Variants in ZCCHC24 observed in about 807,000 individuals in gnomAD.
ZCCHC24 encodes zinc finger CCHC domain-containing protein 24.
ZCCHC24 carries 10 observed loss-of-function variants against 26.2 expected under a neutral mutation model. The observed-to-expected ratio is 0.38, with a 90% confidence interval of 0.24 to 0.65. The LOEUF (loss-of-function observed/expected upper bound fraction) is 0.65, where lower values mean the gene tolerates loss of function less well. ZCCHC24 is among the 30% of genes least tolerant of loss of function. The pLI is 0.54. For missense variants in ZCCHC24, 243 were observed against 329.1 expected, an observed-to-expected ratio of 0.74 and a Z score of 2.03; for synonymous variants, 144 against 147.1, an observed-to-expected ratio of 0.98 and a Z score of 0.15.
chr10:79,387,337 T>A (rs1348905083), intron 3 of ZCCHC24, among the ~76,000 whole-genome samples: 1 of 151,818 alleles, frequency 6.6e-6, no homozygotes, highest in East Asian at 1.9e-4. Flanking sequence ...CGTCTGGGAG[T>A]GTGTGAACTG....
intron 1 of ZCCHC24, among the ~76,000 whole-genome samples, chr10:79,440,677 A>G (rs1857281762): frequency 6.6e-6 from 1 of 152,062 alleles, no homozygotes; most frequent in African/African-American, 2.4e-5. Flanking sequence ...AAAAAATGGA[A>G]GCTATGAGGA....
intron 2 of ZCCHC24, among the ~76,000 whole-genome samples, chr10:79,424,076 C>T (rs1340815479): frequency 6.6e-6 from 1 of 151,786 alleles, no homozygotes; most frequent in Non-Finnish European, 1.5e-5. Flanking sequence ...TATCATGGGC[C>T]TAAGCATGCA....
intron 2 of ZCCHC24, among the ~76,000 whole-genome samples, chr10:79,412,408 C>T (rs1589668032): frequency 2.0e-5 from 3 of 152,358 alleles, no homozygotes; most frequent in Non-Finnish European, 1.5e-5. Context: ...TGTACACCCT[C>T]GCCCCTTGGC....
chr10:79,407,294 A>G (rs1259603428), intron 2 of ZCCHC24, among the ~76,000 whole-genome samples: 2 of 152,204 alleles, frequency 1.3e-5, no homozygotes, highest in African/African-American at 4.8e-5. Context: ...ACTGTTGCAC[A>G]GTAACCATGC....
At chr10:79,424,046 A>G (rs1856994543) in intron 2 of ZCCHC24, among the ~76,000 whole-genome samples, 2 of 151,410 alleles carry the variant, frequency 1.3e-5, no homozygotes, top group African/African-American at 4.9e-5. Context: ...GAAAAGAAAC[A>G]TATCTGTGGA....
intron 2 of ZCCHC24, among the ~76,000 whole-genome samples, chr10:79,412,896 T>A (rs549050758): frequency 1.1e-4 from 16 of 152,236 alleles, no homozygotes; most frequent in Non-Finnish European, 2.1e-4. Flanking sequence ...ACCAAGCACA[T>A]GGCTGGAATT....
chr10:79,399,838 T>C (rs1474267842), intron 2 of ZCCHC24, among the ~76,000 whole-genome samples: 1 of 152,256 alleles, frequency 6.6e-6, no homozygotes, highest in East Asian at 1.9e-4. Flanking sequence ...TGGGCACTTC[T>C]TCAGAATGGT....
intron 2 of ZCCHC24, among the ~76,000 whole-genome samples, chr10:79,421,861 T>C (rs1276547843): frequency 6.6e-6 from 1 of 152,138 alleles, no homozygotes; most frequent in Non-Finnish European, 1.5e-5. Flanking sequence ...ACTCCTGACC[T>C]CAGGCGATCT....
intron 2 of ZCCHC24, among the ~76,000 whole-genome samples, chr10:79,396,123 T>A (rs184546787): frequency 1.1e-4 from 17 of 152,372 alleles, no homozygotes; most frequent in African/African-American, 4.1e-4. Flanking sequence ...TCCTTTTGTG[T>A]CTGGCTTCAC....
At chr10:79,419,436 G>C (rs1856910312) in intron 2 of ZCCHC24, among the ~76,000 whole-genome samples, 1 of 152,364 alleles carries the variant, frequency 6.6e-6, no homozygotes. Context: ...GTCCAGCTCA[G>C]TGAGACTCCG....
chr10:79,415,779 C>A (rs1208771018), intron 2 of ZCCHC24, among the ~76,000 whole-genome samples: 1 of 152,196 alleles, frequency 6.6e-6, no homozygotes, highest in African/African-American at 2.4e-5. Context: ...GCACTCATAT[C>A]TCCTAGGCAG....
chr10:79,410,563 C>T (rs1440056143), intron 2 of ZCCHC24, among the ~76,000 whole-genome samples: 1 of 152,176 alleles, frequency 6.6e-6, no homozygotes, highest in African/African-American at 2.4e-5. Context: ...AAGGGCTAGA[C>T]CACGGGAAGC....
At chr10:79,402,052 G>C (rs1856640707) in intron 2 of ZCCHC24, among the ~76,000 whole-genome samples, 1 of 152,228 alleles carries the variant, frequency 6.6e-6, no homozygotes, top group South Asian at 2.1e-4. Flanking sequence ...AGGGGGCGCA[G>C]GGCTGACCAC....
intron 3 of ZCCHC24, among the ~76,000 whole-genome samples, chr10:79,387,254 C>T (rs890002615): frequency 5.3e-5 from 8 of 152,176 alleles, no homozygotes; most frequent in Non-Finnish European, 7.4e-5. Flanking sequence ...CGCAGGGAGC[C>T]TCCGTTTCCA....
At chr10:79,429,763 A>C (rs1857101363) in intron 2 of ZCCHC24, among the ~76,000 whole-genome samples, 1 of 152,214 alleles carries the variant, frequency 6.6e-6, no homozygotes, top group African/African-American at 2.4e-5. Context: ...TGTTCCCAAG[A>C]AAATCCTTCT....
At chr10:79,441,745 A>G (rs74657873) in intron 1 of ZCCHC24, among the ~76,000 whole-genome samples, 5,204 of 152,222 alleles carry the variant, frequency 0.034, 272 homozygotes, top group African/African-American at 0.12. Flanking sequence ...CCCAACATTC[A>G]CAAAGTGGGG....
intron 3 of ZCCHC24, among the ~76,000 whole-genome samples, chr10:79,392,134 C>T (rs1435527279): frequency 1.3e-5 from 2 of 152,174 alleles, no homozygotes; most frequent in Non-Finnish European, 1.5e-5. Context: ...AATAGGCCCA[C>T]CCCCCAACCA....
chr10:79,413,111 C>A (rs1304688560), intron 2 of ZCCHC24, among the ~76,000 whole-genome samples: 1 of 152,216 alleles, frequency 6.6e-6, no homozygotes, highest in Non-Finnish European at 1.5e-5. Flanking sequence ...GCCACTCATC[C>A]AAAATGGGTT....
intron 2 of ZCCHC24, among the ~76,000 whole-genome samples, chr10:79,401,081 A>G (rs1350962185): frequency 6.6e-6 from 1 of 152,218 alleles, no homozygotes; most frequent in Non-Finnish European, 1.5e-5. Flanking sequence ...GACCAGGAGG[A>G]GAGCAGGGTG....
Sources: gnomAD v4.1 joint callset for allele counts (sites outside exome capture counted in the v4.1 genomes callset) on GRCh38, gnomAD v4.1.1 for gene constraint, MANE v1.5 for transcripts, NCBI Gene and HGNC (gene_info 2026-07-23, HGNC 2026-07-21) for gene names.